Variants in RGS6 observed in about 807,000 individuals in gnomAD.
RGS6 encodes regulator of G protein signaling 6, also known as regulator of G-protein signaling 6.
Under a neutral mutation model 78.5 loss-of-function variants are expected in RGS6, and 30 were observed. That is an observed-to-expected ratio of 0.38 (90% CI 0.29 to 0.52). RGS6 has a LOEUF of 0.52. RGS6 is among the 20% of genes least tolerant of loss of function. The pLI is 0.85. For missense variants in RGS6, 495 were observed against 609.7 expected (o/e 0.81, Z 1.98); for synonymous variants, 206 against 206.0 (o/e 1.00, Z 0.00).
At chr14:72,460,096 A>T (rs1347931193) in intron 6 of RGS6, among the ~76,000 whole-genome samples, 3 of 152,182 alleles carry the variant, frequency 2.0e-5, no homozygotes, top group African/African-American at 7.2e-5. Flanking sequence ...GTCAAAACTT[A>T]CTAAGAACCT....
chr14:72,200,895 A>G (rs2041352673), intron 2 of RGS6, among the ~76,000 whole-genome samples: 1 of 143,738 alleles, frequency 7.0e-6, no homozygotes, highest in Non-Finnish European at 1.5e-5. Context: ...TCAAAGGATG[A>G]GGGGGGTTGG....
At chr14:71,982,981 A>G (rs1415857554) in intron 2 of RGS6, among the ~76,000 whole-genome samples, 2 of 152,238 alleles carry the variant, frequency 1.3e-5, no homozygotes, top group Non-Finnish European at 2.9e-5. Flanking sequence ...TAGAAAAGAC[A>G]TATCCTGAGT....
intron 3 of RGS6, among the ~76,000 whole-genome samples, chr14:72,391,771 C>T (rs2090046725): frequency 6.6e-6 from 1 of 152,282 alleles, no homozygotes; most frequent in Middle Eastern, 3.4e-3. Flanking sequence ...CTGACAGGCC[C>T]TGGTGTGTGA....
chr14:72,327,472 T>C (rs955147609), intron 2 of RGS6, among the ~76,000 whole-genome samples: 3 of 152,258 alleles, frequency 2.0e-5, no homozygotes, highest in African/African-American at 7.2e-5. Context: ...TATTGTGCTT[T>C]GCTGTGTTTT....
At chr14:72,435,210 A>G (rs572185932) in intron 3 of RGS6, among the ~76,000 whole-genome samples, 1 of 152,216 alleles carries the variant, frequency 6.6e-6, no homozygotes, top group Non-Finnish European at 1.5e-5. Context: ...CTTCTTGGGT[A>G]TATTTCCTCA....
intron 2 of RGS6, among the ~76,000 whole-genome samples, chr14:72,092,494 G>T (rs1404413546): frequency 2.0e-5 from 3 of 152,022 alleles, no homozygotes; most frequent in Non-Finnish European, 4.4e-5. Context: ...TGATGCTCAT[G>T]CCTCAGCCTC....
At chr14:72,425,876 C>T (rs1050201817) in intron 3 of RGS6, among the ~76,000 whole-genome samples, 9 of 152,078 alleles carry the variant, frequency 5.9e-5, no homozygotes, top group African/African-American at 1.7e-4. Flanking sequence ...AAATGGAAAA[C>T]TACTTCTTCA....
intron 2 of RGS6, among the ~76,000 whole-genome samples, chr14:72,046,480 G>A (rs1269335900): frequency 6.6e-6 from 1 of 152,090 alleles, no homozygotes; most frequent in African/African-American, 2.4e-5. Context: ...TTTTTTAAGA[G>A]TAAGTAACTT....
intron 2 of RGS6, among the ~76,000 whole-genome samples, chr14:72,301,976 C>T (rs1186046395): frequency 1.3e-5 from 2 of 152,120 alleles, no homozygotes; most frequent in East Asian, 3.9e-4. Context: ...TAACATGCTG[C>T]TTATAGGTGG....
intron 2 of RGS6, among the ~76,000 whole-genome samples, chr14:72,153,747 A>C (rs1302984083): frequency 1.3e-5 from 2 of 152,170 alleles, no homozygotes; most frequent in Non-Finnish European, 2.9e-5. Context: ...TACAAAGATC[A>C]CATGCTTCAA....
intron 2 of RGS6, among the ~76,000 whole-genome samples, chr14:72,029,425 G>GT (rs2090471589): frequency 6.6e-6 from 1 of 152,212 alleles, no homozygotes; most frequent in South Asian, 2.1e-4. Flanking sequence ...GATTATGAAA[G>GT]TATCTAGAGT....
chr14:72,565,653 A>G lies in RGS6; in HGVS notation c.*3186A>G, dbSNP rs2097706832. ...GCGACTCTGAGTTGCAGCTTGGACT[A>G]GCTGAACACATGGGGACATGCTCCA... is the stretch of plus-strand genomic sequence containing the variant. On this transcript the variant is annotated 3_prime_UTR_variant, in exon 18 of 18. Coordinates refer to ENST00000553525, the MANE Select transcript of RGS6 (RefSeq NM_001204424.2). The G allele has an allele frequency of 6.6e-6, 1 of 152,222 alleles. No homozygotes were observed. The highest frequency in any genetic ancestry group is 2.4e-5 in the African/African-American group (1 of 41,442). The allele number at this position is 152,222 out of a possible 1,614,324, so 9.4% of individuals were successfully genotyped here.
intron 3 of RGS6, among the ~76,000 whole-genome samples, chr14:72,412,291 C>G (rs1269755372): frequency 6.6e-6 from 1 of 152,144 alleles, no homozygotes; most frequent in Non-Finnish European, 1.5e-5. Flanking sequence ...CTGGTTTAGT[C>G]TTGGGAGGGT....
At chr14:72,281,581 G>A (rs370044676) in intron 2 of RGS6, among the ~76,000 whole-genome samples, 8 of 99,152 alleles carry the variant, frequency 8.1e-5, no homozygotes, top group Non-Finnish European at 1.0e-4. Context: ...TGATGGGATC[G>A]AGTGATGGAG....
chr14:72,040,679 C>T (rs1567077347), intron 2 of RGS6, among the ~76,000 whole-genome samples: 1 of 152,050 alleles, frequency 6.6e-6, no homozygotes. Context: ...AGTTTTCAGT[C>T]ATTATTTTCT....
intron 17 of RGS6, among the ~76,000 whole-genome samples, chr14:72,551,662 A>AT (rs2097508501): frequency 6.6e-6 from 1 of 152,310 alleles, no homozygotes; most frequent in South Asian, 2.1e-4. Context: ...TCCACCTGAT[A>AT]TTATGTGACC....
chr14:72,383,055 T>C (rs1273025657), intron 3 of RGS6, among the ~76,000 whole-genome samples: 1 of 150,822 alleles, frequency 6.6e-6, no homozygotes, highest in Non-Finnish European at 1.5e-5. Context: ...CCTTTATTAT[T>C]TTAGAATACA....
At chr14:72,581,209 G>A in the RGS6 span, among the ~76,000 whole-genome samples, 9 of 152,136 alleles carry the variant, frequency 5.9e-5, no homozygotes, top group Admixed American at 5.9e-4. Flanking sequence ...TTCTTCTTTA[G>A]AGGCTATAGG....
chr14:72,111,463 A>T (rs1447306274), intron 2 of RGS6, among the ~76,000 whole-genome samples: 1 of 152,186 alleles, frequency 6.6e-6, no homozygotes, highest in Non-Finnish European at 1.5e-5. Context: ...TGTAATTTCC[A>T]CTTACAAATT....
Sources: allele counts gnomAD v4.1 joint callset (sites outside exome capture counted in the v4.1 genomes callset), GRCh38; gene constraint gnomAD v4.1.1; transcripts MANE v1.5; gene names NCBI Gene and HGNC (gene_info 2026-07-23, HGNC 2026-07-21).